FANCC: variants seen among roughly 807,000 people sequenced by gnomAD.
The protein encoded by FANCC is Fanconi anemia group C protein.
A neutral mutation model predicts 71.3 loss-of-function variants in FANCC; 55 were observed. The observed-to-expected ratio is 0.77, with a 90% CI of 0.62 to 0.97. FANCC has a LOEUF of 0.97. Among genes scored for constraint, FANCC ranks in the 50% least tolerant of loss-of-function variants. The probability of loss-of-function intolerance (pLI) is 0.00; values close to 1 mark genes in which losing one functional copy is unlikely to be tolerated. For synonymous variants in FANCC, 275 were observed against 244.9 expected, an observed-to-expected ratio of 1.12 and a Z score of -1.15; for missense variants, 678 against 670.9, an observed-to-expected ratio of 1.01 and a Z score of -0.12.
chr9:95,245,639 G>A (rs971962470), intron 3 of FANCC, among the ~76,000 whole-genome samples: 1 of 151,910 alleles, frequency 6.6e-6, no homozygotes, highest in East Asian at 2.0e-4. Flanking sequence ...GCTCACACCT[G>A]TAATCCCAAC....
At chr9:95,261,868 G>A (rs1301052072) in intron 1 of FANCC, among the ~76,000 whole-genome samples, 1 of 152,188 alleles carries the variant, frequency 6.6e-6, no homozygotes, top group Non-Finnish European at 1.5e-5. Context: ...CCTGCCAGGT[G>A]GGAGCGGATC....
chr9:95,127,497 T>TG (rs1288803021), intron 8 of FANCC: 2 of 152,256 alleles, frequency 1.3e-5, no homozygotes, highest in Non-Finnish European at 2.9e-5. Context: ...GCAGTCAGGA[T>TG]GGGGCTCTGG....
chr9:95,257,714 AC>A (rs1170158389), intron 1 of FANCC, among the ~76,000 whole-genome samples: 7 of 152,122 alleles, frequency 4.6e-5, no homozygotes, highest in East Asian at 3.8e-4. Flanking sequence ...GACACAAAAA[AC>A]CCTTCAAAAA....
At chr9:95,115,736 CCCT>C (rs1320070400) in intron 11 of FANCC, among the ~76,000 whole-genome samples, 1 of 152,188 alleles carries the variant, frequency 6.6e-6, no homozygotes, top group African/African-American at 2.4e-5. Flanking sequence ...GCCAGCGCCT[CCCT>C]CCTCTGAACT....
intron 4 of FANCC, among the ~76,000 whole-genome samples, chr9:95,194,126 C>T (rs1827272679): frequency 6.6e-6 from 1 of 152,122 alleles, no homozygotes; most frequent in Non-Finnish European, 1.5e-5. Context: ...CCAAAACTCA[C>T]TGGGCCAGGC....
chr9:95,182,629 C>A (rs565726049), intron 4 of FANCC, among the ~76,000 whole-genome samples: 2 of 152,168 alleles, frequency 1.3e-5, no homozygotes, highest in African/African-American at 4.8e-5. Context: ...GGGTGAGAAG[C>A]CCTGCAGCCT....
chr9:95,158,667 T>C (rs963686789), intron 6 of FANCC, among the ~76,000 whole-genome samples: 2 of 152,200 alleles, frequency 1.3e-5, no homozygotes, highest in African/African-American at 2.4e-5. Flanking sequence ...TTACCAGGGA[T>C]TGATATGCAG....
intron 4 of FANCC, among the ~76,000 whole-genome samples, chr9:95,239,102 C>T (rs935392751): frequency 1.3e-5 from 2 of 152,172 alleles, no homozygotes; most frequent in African/African-American, 4.8e-5. Flanking sequence ...CTAACTCTAT[C>T]CTTGCTCTCC....
intron 1 of FANCC, among the ~76,000 whole-genome samples, chr9:95,276,513 T>C (rs900785717): frequency 6.6e-6 from 1 of 152,216 alleles, no homozygotes; most frequent in African/African-American, 2.4e-5. Flanking sequence ...ATTATTTCTA[T>C]GTATACCTAA....
chr9:95,283,152 A>G (rs1833469276), intron 1 of FANCC, among the ~76,000 whole-genome samples: 1 of 152,206 alleles, frequency 6.6e-6, no homozygotes. Flanking sequence ...GCACAATCAT[A>G]GCTCACTACA....
chr9:95,199,454 T>C (rs528908759), intron 4 of FANCC, among the ~76,000 whole-genome samples: 38 of 152,212 alleles, frequency 2.5e-4, no homozygotes, highest in African/African-American at 8.4e-4. Flanking sequence ...AAAGCCCGAA[T>C]TGCTCTTCCG....
intron 3 of FANCC, among the ~76,000 whole-genome samples, chr9:95,244,923 C>A (rs1830870718): frequency 6.6e-6 from 1 of 151,870 alleles, no homozygotes; most frequent in South Asian, 2.1e-4. Context: ...TGACTCTAAT[C>A]CATAATTATC....
At chr9:95,112,735 G>A (rs1255942380) in intron 12 of FANCC, among the ~76,000 whole-genome samples, 1 of 152,192 alleles carries the variant, frequency 6.6e-6, no homozygotes, top group Non-Finnish European at 1.5e-5. Context: ...AGACCGGTCT[G>A]GTCCTTCCCT....
At chr9:95,306,357 A>G (rs1258137379) in intron 1 of FANCC, among the ~76,000 whole-genome samples, 5 of 152,190 alleles carry the variant, frequency 3.3e-5, no homozygotes, top group Admixed American at 1.3e-4. Context: ...TTCAGGGCAC[A>G]TTACCAAGCA....
chr9:95,199,467 G>A (rs771418734), intron 4 of FANCC, among the ~76,000 whole-genome samples: 7 of 152,022 alleles, frequency 4.6e-5, no homozygotes, highest in Non-Finnish European at 8.8e-5. Context: ...CTCTTCCGGT[G>A]TCAGCTCCAG....
chr9:95,106,623 T>G (rs2071463691), intron 14 of FANCC, among the ~76,000 whole-genome samples: 1 of 152,224 alleles, frequency 6.6e-6, no homozygotes, highest in Non-Finnish European at 1.5e-5. Context: ...AAGGATTTCT[T>G]TGTAATAAAC....
chr9:95,221,746 A>G (rs1250600248), intron 4 of FANCC, among the ~76,000 whole-genome samples: 1 of 152,194 alleles, frequency 6.6e-6, no homozygotes, highest in East Asian at 1.9e-4. Flanking sequence ...AAGAAGATAG[A>G]ATCACATGAA....
intron 1 of FANCC, among the ~76,000 whole-genome samples, chr9:95,279,718 T>C (rs1588408372): frequency 6.6e-6 from 1 of 151,760 alleles, no homozygotes; most frequent in Non-Finnish European, 1.5e-5. Context: ...GAGGCCAAGG[T>C]GGGTGGATCA....
chr9:95,178,368 G>A (rs1296449201), intron 4 of FANCC, among the ~76,000 whole-genome samples: 1 of 152,236 alleles, frequency 6.6e-6, no homozygotes, highest in African/African-American at 2.4e-5. Flanking sequence ...TGGGACAAGG[G>A]GTGGTGGAGA....
Sources: gnomAD v4.1 joint callset for allele counts (sites outside exome capture counted in the v4.1 genomes callset) on GRCh38, gnomAD v4.1.1 for gene constraint, MANE v1.5 for transcripts, NCBI Gene and HGNC (gene_info 2026-07-23, HGNC 2026-07-21) for gene names.